Variants in ANTXR1 observed in about 807,000 individuals in gnomAD.
ANTXR1 encodes the protein ANTXR cell adhesion molecule 1.
A neutral mutation model predicts 78.1 loss-of-function variants in ANTXR1; 19 were observed. The observed-to-expected ratio is 0.24, with a 90% CI of 0.17 to 0.36. The LOEUF is 0.36. Among genes scored for constraint, ANTXR1 ranks in the 10% least tolerant of loss-of-function variants. The pLI is 1.00. For synonymous variants in ANTXR1, 273 were observed against 260.5 expected, an observed-to-expected ratio of 1.05 and a Z score of -0.46; for missense variants, 518 against 718.6, an observed-to-expected ratio of 0.72 and a Z score of 3.19.
At chr2:69,178,089 A>T (rs747082597) in intron 14 of ANTXR1, among the ~76,000 whole-genome samples, 1 of 152,170 alleles carries the variant, frequency 6.6e-6, no homozygotes, top group Non-Finnish European at 1.5e-5. Context: ...TAGGAGGAAG[A>T]TCTCAAGAGC....
intron 3 of ANTXR1, among the ~76,000 whole-genome samples, chr2:69,053,068 C>T (rs1174695562): frequency 1.3e-5 from 2 of 152,072 alleles, no homozygotes; most frequent in Non-Finnish European, 2.9e-5. Flanking sequence ...TATGTGCTCC[C>T]TTGTTTTTTA....
chr2:69,158,627 A>G (rs1558608698), intron 13 of ANTXR1, among the ~76,000 whole-genome samples: 1 of 152,254 alleles, frequency 6.6e-6, no homozygotes, highest in East Asian at 1.9e-4. Flanking sequence ...AAGTACCCAT[A>G]CAACCATTCT....
chr2:69,077,702 T>C (rs1279328430), intron 8 of ANTXR1, among the ~76,000 whole-genome samples: 1 of 152,226 alleles, frequency 6.6e-6, no homozygotes, highest in African/African-American at 2.4e-5. Context: ...AAATTAACAA[T>C]TGAAAGGGGC....
At chr2:69,203,732 TTCC>T (rs1324801586) in intron 17 of ANTXR1, among the ~76,000 whole-genome samples, 3 of 151,072 alleles carry the variant, frequency 2.0e-5, no homozygotes, top group South Asian at 2.1e-4. Context: ...TTCACACACA[TTCC>T]TCCTCCTCCT....
intron 1 of ANTXR1, among the ~76,000 whole-genome samples, chr2:69,034,695 A>G (rs943322393): frequency 5.3e-5 from 8 of 152,198 alleles, no homozygotes; most frequent in African/African-American, 9.6e-5. Flanking sequence ...ACAGAGTCCA[A>G]TGGAACACTT....
At chr2:69,148,585 T>C (rs1673297127) in intron 12 of ANTXR1, among the ~76,000 whole-genome samples, 1 of 152,204 alleles carries the variant, frequency 6.6e-6, no homozygotes, top group South Asian at 2.1e-4. Context: ...TTCACAAGAT[T>C]GTTAATGAGA....
chr2:69,076,079 T>C (rs1337261493), intron 7 of ANTXR1, among the ~76,000 whole-genome samples: 1 of 152,134 alleles, frequency 6.6e-6, no homozygotes, highest in East Asian at 1.9e-4. Flanking sequence ...CTGATTAGCT[T>C]GGTATACAGG....
chr2:69,040,176 T>C (rs2104071168), intron 2 of ANTXR1, 61 bp downstream of exon 2: 1 of 1,445,036 alleles, frequency 6.9e-7, no homozygotes, highest in Non-Finnish European at 9.7e-7. Flanking sequence ...AACTAGTCCA[T>C]GTTTGCTATT....
At chr2:69,068,108 A>T (rs771892702) in intron 3 of ANTXR1, among the ~76,000 whole-genome samples, 1 of 152,060 alleles carries the variant, frequency 6.6e-6, no homozygotes, top group African/African-American at 2.4e-5. Context: ...TTCTTCCCAG[A>T]ATGAGTAACA....
intron 17 of ANTXR1, among the ~76,000 whole-genome samples, chr2:69,243,794 C>G (rs1675946546): frequency 6.6e-6 from 1 of 152,160 alleles, no homozygotes; most frequent in Admixed American, 6.5e-5. Context: ...AGCATGTGGC[C>G]AGGAACAATT....
intron 10 of ANTXR1, among the ~76,000 whole-genome samples, chr2:69,105,340 G>A (rs906655240): frequency 6.6e-5 from 10 of 152,172 alleles, no homozygotes; most frequent in African/African-American, 2.2e-4. Context: ...CGTGCCTTTA[G>A]CACAATACTA....
In ANTXR1 at chr2:69,096,836, C is replaced by T. The variant is rs531803842; in HGVS notation, c.703+5917C>T. On this transcript the variant is annotated intron_variant, in intron 9 of 17. Coordinates refer to ENST00000303714, the MANE Select transcript of ANTXR1 (RefSeq NM_032208.3). ...CTTTAAAAGAAACGTATACACTTTC[C>T]AGTTCACCATACTCCTCACCACTCT... 2.0e-5 allele frequency among the ~76,000 whole-genome samples: 3 copies of T among 152,254 alleles called. No individual in the cohort carries two copies. In the East Asian group the frequency reaches 5.8e-4, roughly 29 times the overall value.
chr2:69,167,007 T>C (rs1017857341), intron 13 of ANTXR1, among the ~76,000 whole-genome samples: 1 of 152,180 alleles, frequency 6.6e-6, no homozygotes, highest in Non-Finnish European at 1.5e-5. Flanking sequence ...GTTTGATAAG[T>C]AGGTGTTCAC....
intron 1 of ANTXR1, among the ~76,000 whole-genome samples, chr2:69,032,833 C>G (rs1671567636): frequency 6.6e-6 from 1 of 151,994 alleles, no homozygotes; most frequent in African/African-American, 2.4e-5. Flanking sequence ...TGCTGTAATA[C>G]CTTTTTGATC....
chr2:69,151,666 AC>A (rs1673402399), intron 12 of ANTXR1, among the ~76,000 whole-genome samples: 1 of 151,778 alleles, frequency 6.6e-6, no homozygotes, highest in Admixed American at 6.6e-5. Flanking sequence ...CACAGACCCT[AC>A]AAGGCATCCC....
At chr2:69,100,322 C>T (rs1671566120) in intron 9 of ANTXR1, among the ~76,000 whole-genome samples, 1 of 152,232 alleles carries the variant, frequency 6.6e-6, no homozygotes, top group African/African-American at 2.4e-5. Context: ...CAAATGTGTG[C>T]ACTAACACAG....
At chr2:69,135,232 G>T in intron 12 of ANTXR1, 1 of 171,418 alleles carries the variant, frequency 5.8e-6, no homozygotes. Context: ...CTTTCAATAT[G>T]TTTATATCTA....
intron 17 of ANTXR1, among the ~76,000 whole-genome samples, chr2:69,216,966 A>G (rs1432747818): frequency 6.6e-6 from 1 of 152,136 alleles, no homozygotes; most frequent in Non-Finnish European, 1.5e-5. Flanking sequence ...AATATCCCAC[A>G]TCTTTCCATC....
intron 17 of ANTXR1, among the ~76,000 whole-genome samples, chr2:69,224,486 A>G (rs182966329): frequency 2.6e-5 from 4 of 152,098 alleles, no homozygotes; most frequent in Non-Finnish European, 5.9e-5. Context: ...TTTCCTCCCT[A>G]TTCCCTTTCC....
Sources: gnomAD v4.1 joint callset for allele counts (sites outside exome capture counted in the v4.1 genomes callset) on GRCh38, gnomAD v4.1.1 for gene constraint, MANE v1.5 for transcripts, NCBI Gene and HGNC (gene_info 2026-07-23, HGNC 2026-07-21) for gene names.